The following BIN1 variants were observed in gnomAD, a reference collection of about 807,000 sequenced individuals.
BIN1 encodes myc box-dependent-interacting protein 1.
BIN1 carries 53 observed loss-of-function variants against 82.0 expected under a neutral mutation model. The observed-to-expected ratio is 0.65, with a 90% CI of 0.52 to 0.81. BIN1 has a LOEUF of 0.81. Ranked by LOEUF, BIN1 falls within the 40% of genes least tolerant of loss-of-function variation. The pLI is 0.00. For synonymous variants in BIN1, 302 were observed against 328.0 expected (o/e 0.92, Z 0.86); for missense variants, 642 against 784.4 (o/e 0.82, Z 2.17).
chr2:127,053,320 G>C, intron 14 of BIN1, 102 bp downstream of exon 14: 3 of 1,508,540 alleles, frequency 2.0e-6, no homozygotes, highest in Non-Finnish European at 2.7e-6. Flanking sequence ...GGGGGTGTGT[G>C]GGGTGCATGC....
rs368983991 is a variant in BIN1, at chr2:127,048,600, C to T, written c.1708G>A (p.Asp570Asn). 2 of 1,613,508 alleles carry T rather than the reference C, an allele frequency of 1.2e-6. No individual in the cohort carries two copies. Among genetic ancestry groups the T allele is most frequent in the Non-Finnish European group, 1.7e-6 (2 of 1,180,016 alleles). ...TCCAGCTCCTTGTGCTGGTTCCAGT[C>T]GCTCTCCTTCACGCCCATGAGCCAG... ...EGWLMGVKES[D>N]WNQHKELEKC... is the part of the protein sequence containing the mutation. Residue 570 changes from aspartate to asparagine, a missense_variant, in exon 19 of 19, where the codon GAC becomes AAC. Transcript: ENST00000316724.
rs374264848 is a variant in BIN1, at chr2:127,060,663, G to A, written c.857+1452C>T. On this transcript the variant is annotated intron_variant, in intron 10 of 18. Transcript: ENST00000316724. ...TTTCTGTGGGGACGGACGGGAGGTG[G>A]AGGCCTTCATTCTGGAGAAAGGCCA... 9.9e-6 allele frequency: 16 copies of A among 1,614,032 alleles called. No individual in the cohort carries two copies. In the African/African-American group the frequency reaches 1.2e-4, roughly 12 times the overall value.
chr2:127,071,422 G>A (rs80327618), intron 2 of BIN1, among the ~76,000 whole-genome samples: 25,410 of 152,204 alleles, frequency 0.17, 2,383 homozygotes, highest in Middle Eastern at 0.23. Flanking sequence ...TGGCCCAGCT[G>A]ACAGCAGGGA....
At chr2:127,065,555 C>G (rs1398005590) in intron 7 of BIN1, among the ~76,000 whole-genome samples, 1 of 152,146 alleles carries the variant, frequency 6.6e-6, no homozygotes, top group Non-Finnish European at 1.5e-5. Flanking sequence ...CACATACCCC[C>G]TGCCCTCAAC....
chr2:127,094,925 C>A (rs1356211256), intron 1 of BIN1, among the ~76,000 whole-genome samples: 6 of 152,222 alleles, frequency 3.9e-5, no homozygotes, highest in African/African-American at 1.4e-4. Context: ...ACCCCCTCAA[C>A]CATGGGGCCT....
At chr2:127,061,478 C>A (rs1684480051) in intron 10 of BIN1, among the ~76,000 whole-genome samples, 1 of 152,108 alleles carries the variant, frequency 6.6e-6, no homozygotes, top group African/African-American at 2.4e-5. Flanking sequence ...CAGTCCCCCT[C>A]ACACACACAC....
intron 5 of BIN1, 54 bp downstream of exon 5, chr2:127,069,941 C>G: frequency 6.3e-7 from 1 of 1,575,062 alleles, no homozygotes; most frequent in Admixed American, 1.7e-5. Flanking sequence ...GCCCTGTCCT[C>G]TCTCCAGTTC....
Position 127,048,552 on chromosome 2 carries a change from CG to C in BIN1, c.1755del (p.Glu586ArgfsTer61). On this transcript the variant is annotated frameshift_variant, in exon 19 of 19. Coordinates refer to ENST00000316724, the MANE Select transcript of BIN1 (RefSeq NM_139343.3). LOFTEE classifies it high-confidence loss of function. The stretch of plus-strand genomic sequence containing the variant: ...CATGGGACCCTCTCAGTGAAGTTCT[CG>C]GGGAAGACGCCACGGCACTTCTCCA... ...KELEKCRGVF[P>X]ENFTERVP The C allele has an allele frequency of 6.2e-7, 1 of 1,613,898 alleles. No individual in the cohort carries two copies. The highest frequency in any genetic ancestry group is 8.5e-7 in the Non-Finnish European group (1 of 1,180,022).
At chr2:127,091,735 AT>A (rs397724958) in intron 1 of BIN1, among the ~76,000 whole-genome samples, 8 of 129,354 alleles carry the variant, frequency 6.2e-5, no homozygotes, top group Middle Eastern at 4.1e-3. Flanking sequence ...CAAAAAAAAA[AT>A]TTTTTTTTTA....
At chr2:127,050,365 C>G (rs7568161) in intron 18 of BIN1, 56 bp downstream of exon 18, 1 of 1,595,242 alleles carries the variant, frequency 6.3e-7, no homozygotes, top group Non-Finnish European at 8.6e-7. Flanking sequence ...CGGTGCCAGC[C>G]GCAGCCAGGA....
chr2:127,087,990 C>T (rs1170029407), intron 1 of BIN1, among the ~76,000 whole-genome samples: 1 of 152,218 alleles, frequency 6.6e-6, no homozygotes. Flanking sequence ...CAGCCAGCTG[C>T]CCAGGCCTCA....
At chr2:127,051,359 G>C in intron 15 of BIN1, 116 bp from the exon 16 acceptor site, 2 of 1,046,902 alleles carry the variant, frequency 1.9e-6, no homozygotes, top group South Asian at 2.7e-5. Context: ...TCGCCTGGCT[G>C]GCAGCAGGGT....
chr2:127,091,229 C>T (rs1678883084), intron 1 of BIN1, among the ~76,000 whole-genome samples: 1 of 152,006 alleles, frequency 6.6e-6, no homozygotes, highest in African/African-American at 2.4e-5. Context: ...CAACAGGCAC[C>T]CCACGCAGCA....
At chr2:127,094,596 G>A (rs1488880825) in intron 1 of BIN1, among the ~76,000 whole-genome samples, 2 of 152,220 alleles carry the variant, frequency 1.3e-5, no homozygotes, top group African/African-American at 4.8e-5. Context: ...TCTAAGCACT[G>A]GAGTGGCGCG....
chr2:127,087,126 G>A (rs1573747274), intron 1 of BIN1, among the ~76,000 whole-genome samples: 1 of 152,280 alleles, frequency 6.6e-6, no homozygotes, highest in South Asian at 2.1e-4. Context: ...ATAAAAACTT[G>A]ACCAACTACG....
chr2:127,070,727 C>T, intron 3 of BIN1, 35 bp downstream of exon 3: 1 of 1,614,096 alleles, frequency 6.2e-7, no homozygotes, highest in Non-Finnish European at 8.5e-7. Context: ...CCCACCAGCT[C>T]TACACGGGCC....
chr2:127,068,258 G>T lies in BIN1; in HGVS notation c.520-3C>A, dbSNP rs1455432609. On this transcript the variant is annotated splice_polypyrimidine_tract_variant and splice_region_variant and intron_variant, in intron 6 of 18. Coordinates refer to ENST00000316724, the MANE Select transcript of BIN1 (RefSeq NM_139343.3). The surrounding 1 kb of genome is among the most constrained non-coding windows in gnomAD (Gnocchi z 4.9). ...GCTTTCTCAAGCAGCGAGACAGGCT[G>T]GGGTGGGGAGGTCAAGGCAAAGGAA... The T allele has an allele frequency of 1.9e-6, 3 of 1,610,418 alleles. No homozygotes were observed. Among genetic ancestry groups the T allele is most frequent in the Admixed American group, 1.7e-5 (1 of 59,892 alleles).
At position 127,070,591 on chromosome 2, in the gene BIN1, C is replaced by A. The variant is rs774273606; in HGVS notation, c.277G>T (p.Asp93Tyr). 12 of 1,614,006 alleles carry A rather than the reference C, an allele frequency of 7.4e-6. No homozygotes were observed. Among genetic ancestry groups the A allele is most frequent in the African/African-American group, 2.7e-5 (2 of 74,910 alleles). The change falls in exon 4 of 19, where the codon GAT becomes TAT. Residue 93 changes from aspartate (D) to tyrosine (Y), a missense_variant. Coordinates refer to ENST00000316724, the MANE Select transcript of BIN1 (RefSeq NM_139343.3). ...TTTGCCTCATCCCTGCCGGGCCAAT[C>A]GGGCTCATACACCTCCTGCAGACAC... ...NECLQEVYEP[D>Y]WPGRDEANKI... is the part of the protein sequence containing the mutation.
intron 1 of BIN1, among the ~76,000 whole-genome samples, chr2:127,099,659 G>A (rs1408557434): frequency 6.6e-6 from 1 of 151,878 alleles, no homozygotes; most frequent in Non-Finnish European, 1.5e-5. Flanking sequence ...GATTACAGGC[G>A]CATGCCACTA....
Sources: allele counts gnomAD v4.1 joint callset (sites outside exome capture counted in the v4.1 genomes callset), GRCh38; gene constraint gnomAD v4.1.1; non-coding constraint Gnocchi (gnomAD v3.1); transcripts MANE v1.5; gene names NCBI Gene and HGNC (gene_info 2026-07-23, HGNC 2026-07-21).